The following BCR variants were observed in gnomAD, a reference collection of about 807,000 sequenced individuals.
The protein encoded by BCR is breakpoint cluster region protein.
Under a neutral mutation model 138.6 loss-of-function variants are expected in BCR, and 58 were observed. The observed-to-expected ratio is 0.42, with a 90% CI of 0.34 to 0.52. BCR has a LOEUF of 0.52. BCR is among the 20% of genes least tolerant of loss of function. The pLI, the probability that BCR is intolerant of heterozygous loss-of-function variation, is 0.06. For missense variants in BCR, 1,599 were observed against 1,727.2 expected, an observed-to-expected ratio of 0.93 and a Z score of 1.32; for synonymous variants, 786 against 730.1, an observed-to-expected ratio of 1.08 and a Z score of -1.23.
chr22:23,181,046 G>C lies in BCR; in HGVS notation c.86G>C (p.Gly29Ala). The change falls in exon 1 of 23, where the codon GGC (glycine) becomes GCC (alanine). Residue 29 changes from glycine (G) to alanine (A), a missense_variant. Physicochemically the swap from Gly to Ala is moderately conservative, Grantham distance 60. Around this residue, in one of 4 missense-constraint regions of BCR, gnomAD observed 806 missense variants for 635.0 expected, o/e 1.27. Transcript: ENST00000305877. Reference protein sequence around the residue: ...EPPRMELRSVGDIEQELERCK... With the variant: ...EPPRMELRSVADIEQELERCK... ...CCGCGCATGGAGCTGCGCTCAGTGG[G>C]CGACATCGAGCAGGAGCTGGAGCGC... is the stretch of plus-strand genomic sequence containing the variant. 1 of 1,522,062 alleles carries C rather than the reference G, an allele frequency of 6.6e-7. No individual in the cohort carries two copies. Among genetic ancestry groups the C allele is most frequent in the Non-Finnish European group, 8.9e-7 (1 of 1,129,648 alleles). The allele number at this position is 1,522,062 out of a possible 1,614,324, so 94.3% of individuals were successfully genotyped here. A position where few individuals can be genotyped will look rare whatever the true frequency, so the allele number is the denominator to read the frequency against.
intron 1 of BCR, among the ~76,000 whole-genome samples, chr22:23,205,814 A>G (rs533439637): frequency 4.6e-5 from 7 of 152,294 alleles, no homozygotes; most frequent in Non-Finnish European, 8.8e-5. Flanking sequence ...TATAAAGAGC[A>G]TTCTTAAGGC....
chr22:23,187,132 C>T (rs994565347), intron 1 of BCR, among the ~76,000 whole-genome samples: 1 of 152,184 alleles, frequency 6.6e-6, no homozygotes, highest in Non-Finnish European at 1.5e-5. Context: ...TGGAAGAGCC[C>T]TTCCTCCTTT....
At chr22:23,285,490 G>C (rs139687211) in intron 10 of BCR, among the ~76,000 whole-genome samples, 2 of 152,154 alleles carry the variant, frequency 1.3e-5, no homozygotes, top group Non-Finnish European at 2.9e-5. Flanking sequence ...CGCCTTTCAC[G>C]GGATACTTCT....
chr22:23,260,240 C>T (rs909761179), intron 2 of BCR, among the ~76,000 whole-genome samples: 5 of 152,204 alleles, frequency 3.3e-5, no homozygotes, highest in Non-Finnish European at 5.9e-5. Flanking sequence ...TAGAGCTTCC[C>T]TGAACTTTCA....
At chr22:23,238,085 T>C (rs2073046253) in intron 1 of BCR, among the ~76,000 whole-genome samples, 1 of 151,790 alleles carries the variant, frequency 6.6e-6, no homozygotes. Flanking sequence ...TATCCCCATT[T>C]CATTGGTGGG....
rs1288725703 is a variant in BCR at position 23,236,037 on chromosome 22, C to G, written c.1280-17762C>G. Reference sequence around the variant, plus strand: ...GCATCTCAGAGTGCCACCCCCACATCTCCAAAGCTGCTGGACCTTGCATAT... The same window carrying G: ...GCATCTCAGAGTGCCACCCCCACATGTCCAAAGCTGCTGGACCTTGCATAT... On this transcript the variant is annotated intron_variant, in intron 1 of 22. Coordinates refer to ENST00000305877, the MANE Select transcript of BCR (RefSeq NM_004327.4). Among the ~76,000 whole-genome samples, 6 of 152,340 alleles carry G rather than the reference C, an allele frequency of 3.9e-5. No homozygotes were observed. The East Asian group carries it at 1.2e-3, about 29-fold the overall frequency.
Position 23,273,148 on chromosome 22 carries a change from C to T in BCR, c.1974+15C>T. Reference sequence around the variant, plus strand: ...TGGTCCTCCATGTAAGTCACAGCGCCCCTCTGGACCGGGACCAAAACTGCC... The same window carrying T: ...TGGTCCTCCATGTAAGTCACAGCGCTCCTCTGGACCGGGACCAAAACTGCC... On this transcript the variant is annotated intron_variant, in intron 7 of 22. Transcript: ENST00000305877. The T allele has an allele frequency of 1.9e-6, 3 of 1,612,090 alleles. No homozygotes were observed. The highest frequency in any genetic ancestry group is 3.3e-5 in the Admixed American group (2 of 59,994).
chr22:23,219,133 T>C (rs2072791630), intron 1 of BCR, among the ~76,000 whole-genome samples: 1 of 152,086 alleles, frequency 6.6e-6, no homozygotes, highest in African/African-American at 2.4e-5. Context: ...CCTAATCTTT[T>C]AAAAATAATC....
intron 16 of BCR, among the ~76,000 whole-genome samples, chr22:23,300,385 G>A (rs1324218227): frequency 6.6e-6 from 1 of 152,226 alleles, no homozygotes; most frequent in African/African-American, 2.4e-5. Context: ...GTGTCAGAAT[G>A]TCCTTCCTCT....
At position 23,237,352 on chromosome 22, in the gene BCR, A is replaced by G. The variant is rs530246253; in HGVS notation, c.1280-16447A>G. Reference sequence around the variant, plus strand: ...TCCCACGGCCCCCTGGGGAAGCAGGATAGGAGCTGGGCCTGGTTCCCGAGC... The same window carrying G: ...TCCCACGGCCCCCTGGGGAAGCAGGGTAGGAGCTGGGCCTGGTTCCCGAGC... On this transcript the variant is annotated intron_variant, in intron 1 of 22. Transcript: ENST00000305877. Among the ~76,000 whole-genome samples the G allele has an allele frequency of 2.0e-4, 31 of 152,190 alleles. No individual in the cohort carries two copies. In the East Asian group the frequency reaches 5.8e-3, roughly 28 times the overall value.
At chr22:23,185,450 G>A (rs1231917812) in intron 1 of BCR, among the ~76,000 whole-genome samples, 1 of 152,108 alleles carries the variant, frequency 6.6e-6, no homozygotes, top group Non-Finnish European at 1.5e-5. Context: ...TGGATCACAA[G>A]GGCAGGAGAT....
intron 2 of BCR, 99 bp from the exon 3 acceptor site, chr22:23,260,851 T>A (rs778821199): frequency 1.7e-6 from 2 of 1,143,872 alleles, no homozygotes; most frequent in South Asian, 1.2e-5. Flanking sequence ...CAGGGGTTTG[T>A]CCAGAGGTCA....
rs2073993097 is a variant in BCR at position 23,310,286 on chromosome 22, G to C, written c.3073-38G>C. ...TTGGGACCTTGGGCTATGAGGACCA[G>C]AAGGATTAGAGGACTGTGCCCCTTC... On this transcript the variant is annotated intron_variant, in intron 17 of 22. Transcript: ENST00000305877. The C allele has an allele frequency of 1.4e-5, 15 of 1,077,292 alleles. 1 individual carries two copies. Among genetic ancestry groups the C allele is most frequent in the Non-Finnish European group, 2.1e-5 (15 of 722,056 alleles). 66.7% of individuals were successfully genotyped at this position (1,077,292 alleles called of 1,614,324 possible).
intron 15 of BCR, among the ~76,000 whole-genome samples, chr22:23,293,368 G>C (rs565962952): frequency 6.6e-6 from 1 of 152,154 alleles, no homozygotes; most frequent in Non-Finnish European, 1.5e-5. Flanking sequence ...TGGTCTACAC[G>C]GGTCACGAGG....
At chr22:23,255,450 C>T (rs951635453) in intron 2 of BCR, among the ~76,000 whole-genome samples, 12 of 152,226 alleles carry the variant, frequency 7.9e-5, no homozygotes, top group Admixed American at 7.8e-4. Context: ...ACTTTCCCTC[C>T]CTCAACTGTC....
At chr22:23,269,262 C>T (rs930715840) in intron 5 of BCR, among the ~76,000 whole-genome samples, 1 of 152,230 alleles carries the variant, frequency 6.6e-6, no homozygotes, top group South Asian at 2.1e-4. Context: ...CAGCCTGTGT[C>T]TGCCTGGTGG....
At chr22:23,195,703 A>G (rs2002660) in intron 1 of BCR, among the ~76,000 whole-genome samples, 17,751 of 152,054 alleles carry the variant, frequency 0.12, 1,196 homozygotes, top group South Asian at 0.16. Flanking sequence ...CCTGGCCAAC[A>G]TGGTGACACT....
chr22:23,294,806 G>A (rs139583202), intron 15 of BCR, among the ~76,000 whole-genome samples: 1,833 of 152,292 alleles, frequency 0.012, 96 homozygotes, highest in Admixed American at 0.099. Context: ...AAAGGCAGTC[G>A]GAGCTTCTGG....
At chr22:23,287,451 A>G (rs569854970) in intron 11 of BCR, among the ~76,000 whole-genome samples, 173 bp downstream of exon 11, 46 of 152,328 alleles carry the variant, frequency 3.0e-4, no homozygotes, top group Non-Finnish European at 6.2e-4. Flanking sequence ...TGTAGCCCCC[A>G]GGTTGAGTGG....
Sources: gnomAD v4.1 joint callset for allele counts (sites outside exome capture counted in the v4.1 genomes callset) on GRCh38, gnomAD v4.1.1 for gene constraint, gnomAD v4.1.1 regional missense constraint, MANE v1.5 for transcripts, NCBI Gene and HGNC (gene_info 2026-07-23, HGNC 2026-07-21) for gene names.